RGS6: variants seen among roughly 807,000 people sequenced by gnomAD.
RGS6 encodes regulator of G-protein signaling 6.
Under a neutral mutation model 78.5 loss-of-function variants are expected in RGS6, and 30 were observed. The ratio of observed to expected loss-of-function variants is 0.38; its 90% CI spans 0.29 to 0.52. The LOEUF is 0.52. RGS6 is among the 20% of genes least tolerant of loss of function. The probability of loss-of-function intolerance (pLI) is 0.85; values close to 1 mark genes in which losing one functional copy is unlikely to be tolerated. For synonymous variants in RGS6, 206 were observed against 206.0 expected, an observed-to-expected ratio of 1.00 and a Z score of 0.00; for missense variants, 495 against 609.7, an observed-to-expected ratio of 0.81 and a Z score of 1.98.
intron 2 of RGS6, among the ~76,000 whole-genome samples, chr14:72,019,451 T>A (rs1487798203): frequency 1.3e-5 from 2 of 152,178 alleles, no homozygotes; most frequent in Non-Finnish European, 2.9e-5. Flanking sequence ...AAATTAGCAG[T>A]TCAGGAGTTT....
At chr14:72,554,637 G>A (rs1361946675) in intron 17 of RGS6, among the ~76,000 whole-genome samples, 1 of 152,160 alleles carries the variant, frequency 6.6e-6, no homozygotes, top group East Asian at 1.9e-4. Context: ...CCACCGAGAG[G>A]CCTTACAGGC....
At chr14:72,310,278 G>A (rs764961547) in intron 2 of RGS6, among the ~76,000 whole-genome samples, 13 of 152,240 alleles carry the variant, frequency 8.5e-5, no homozygotes, top group Admixed American at 2.0e-4. Flanking sequence ...CAGCAGCGGC[G>A]TCAGCCGCTG....
At chr14:72,247,082 T>C (rs958041991) in intron 2 of RGS6, among the ~76,000 whole-genome samples, 13 of 152,300 alleles carry the variant, frequency 8.5e-5, no homozygotes, top group African/African-American at 1.9e-4. Flanking sequence ...TCAAAAGTTA[T>C]TCTAAAAGCC....
chr14:72,561,565 C>T (rs890953173), intron 17 of RGS6, among the ~76,000 whole-genome samples: 15 of 152,240 alleles, frequency 9.9e-5, no homozygotes, highest in Admixed American at 3.3e-4. Flanking sequence ...GGTGCCCAGT[C>T]GCAACTCCCC....
intron 2 of RGS6, among the ~76,000 whole-genome samples, chr14:72,208,720 T>C (rs847294): frequency 0.94 from 143,312 of 152,288 alleles, 67,725 homozygotes; most frequent in South Asian, 1. Context: ...TTTATCCAGG[T>C]CTAAAAGTCT....
the RGS6 span, among the ~76,000 whole-genome samples, chr14:72,606,470 A>G: frequency 1.1e-3 from 171 of 151,880 alleles, no homozygotes; most frequent in Non-Finnish European, 1.9e-3. Flanking sequence ...CACCCCTTAG[A>G]CTCCCACTAC....
At chr14:72,396,588 C>T (rs1345428023) in intron 3 of RGS6, among the ~76,000 whole-genome samples, 1 of 152,038 alleles carries the variant, frequency 6.6e-6, no homozygotes, top group Non-Finnish European at 1.5e-5. Context: ...GTTGCCATTG[C>T]TTTTGGTGTT....
chr14:72,337,605 C>G (rs1173684345), intron 2 of RGS6, among the ~76,000 whole-genome samples: 1 of 152,118 alleles, frequency 6.6e-6, no homozygotes, highest in Non-Finnish European at 1.5e-5. Flanking sequence ...AGCCACAGGC[C>G]ATCTCCCTCC....
chr14:72,505,690 G>A (rs1184199903), intron 13 of RGS6, among the ~76,000 whole-genome samples: 1 of 152,186 alleles, frequency 6.6e-6, no homozygotes, highest in Non-Finnish European at 1.5e-5. Context: ...TCCAGGTCCT[G>A]GCTGCCACCT....
chr14:72,225,640 G>A (rs545814880), intron 2 of RGS6, among the ~76,000 whole-genome samples: 3 of 152,134 alleles, frequency 2.0e-5, no homozygotes, highest in Admixed American at 6.5e-5. Context: ...AAAACCATTC[G>A]CTTTAGGAAA....
At chr14:72,453,541 G>A (rs1174461611) in intron 3 of RGS6, among the ~76,000 whole-genome samples, 3 of 144,668 alleles carry the variant, frequency 2.1e-5, no homozygotes, top group East Asian at 2.0e-4. Flanking sequence ...GCGTGAACCC[G>A]GGAGGCAGAG....
intron 2 of RGS6, among the ~76,000 whole-genome samples, chr14:72,310,033 TCTC>T (rs1327146538): frequency 6.6e-6 from 1 of 152,208 alleles, no homozygotes; most frequent in African/African-American, 2.4e-5. Flanking sequence ...GAGCAGCCTC[TCTC>T]CTCCTTCTGC....
At chr14:72,430,731 G>A (rs1382154841) in intron 3 of RGS6, among the ~76,000 whole-genome samples, 2 of 152,144 alleles carry the variant, frequency 1.3e-5, no homozygotes, top group African/African-American at 2.4e-5. Flanking sequence ...ACCAGGGCAT[G>A]AGTAGACAGA....
intron 3 of RGS6, among the ~76,000 whole-genome samples, chr14:72,411,830 G>A (rs1047014696): frequency 8.6e-5 from 13 of 152,030 alleles, no homozygotes; most frequent in East Asian, 1.9e-4. Context: ...ATTATCATGC[G>A]GTTTTTGTCT....
intron 15 of RGS6, among the ~76,000 whole-genome samples, chr14:72,519,665 T>C (rs2097004403): frequency 6.6e-6 from 1 of 152,342 alleles, no homozygotes; most frequent in South Asian, 2.1e-4. Flanking sequence ...CATGACTCCT[T>C]CATATACCCC....
intron 2 of RGS6, among the ~76,000 whole-genome samples, chr14:72,177,156 A>G (rs1011900301): frequency 1.3e-5 from 2 of 151,980 alleles, no homozygotes; most frequent in Admixed American, 6.6e-5. Context: ...GTTATTTCTA[A>G]TTTTTGTTTT....
At chr14:72,224,516 ATTGAG>A (rs2047642803) in intron 2 of RGS6, among the ~76,000 whole-genome samples, 1 of 151,832 alleles carries the variant, frequency 6.6e-6, no homozygotes, top group South Asian at 2.1e-4. Context: ...GTGTGGTCTT[ATTGAG>A]TTATTTGTGT....
intron 2 of RGS6, among the ~76,000 whole-genome samples, chr14:72,239,415 A>T (rs1324087527): frequency 2.0e-5 from 3 of 152,202 alleles, no homozygotes. Context: ...TAATGTTAAC[A>T]GATGTGCCTC....
intron 2 of RGS6, among the ~76,000 whole-genome samples, chr14:72,183,765 A>G (rs527692399): frequency 6.6e-6 from 1 of 152,346 alleles, no homozygotes; most frequent in South Asian, 2.1e-4. Context: ...ATCTTAAATT[A>G]GGTGCAAGGA....
Sources: allele counts gnomAD v4.1 joint callset (sites outside exome capture counted in the v4.1 genomes callset), GRCh38; gene constraint gnomAD v4.1.1; transcripts MANE v1.5; gene names NCBI Gene and HGNC (gene_info 2026-07-23, HGNC 2026-07-21).